TRIM27: variants seen among roughly 807,000 people sequenced by gnomAD.
The protein encoded by TRIM27 is zinc finger protein RFP.
Under a neutral mutation model 57.6 loss-of-function variants are expected in TRIM27, and 12 were observed. The observed-to-expected ratio is 0.21, with a 90% CI of 0.13 to 0.34. The LOEUF is 0.34. TRIM27 is among the 10% of genes least tolerant of loss of function. TRIM27 has a pLI of 1.00. For missense variants in TRIM27, 403 were observed against 656.8 expected, an observed-to-expected ratio of 0.61 and a Z score of 4.22; for synonymous variants, 266 against 259.0, an observed-to-expected ratio of 1.03 and a Z score of -0.26.
At chr6:28,922,841 C>A (rs1197048713) in intron 1 of TRIM27, among the ~76,000 whole-genome samples, 1 of 152,206 alleles carries the variant, frequency 6.6e-6, no homozygotes, top group Non-Finnish European at 1.5e-5. Context: ...AGTCAGTTAA[C>A]GTCCAACTGC....
At chr6:28,910,989 G>A (rs980681409) in intron 4 of TRIM27, among the ~76,000 whole-genome samples, 1 of 152,088 alleles carries the variant, frequency 6.6e-6, no homozygotes, top group Non-Finnish European at 1.5e-5. Context: ...TTTTGCTTTA[G>A]AAGGTTTTCA....
At position 28,907,405 on chromosome 6, in the gene TRIM27, T is replaced by C. The variant is rs775766515; in HGVS notation, c.920-143A>G. On this transcript the variant is annotated intron_variant, in intron 6 of 7. Coordinates refer to ENST00000377199, the MANE Select transcript of TRIM27 (RefSeq NM_006510.5). ...TCTGTTGTTAGTCATGCACTAATTT[T>C]TTCATATGATGTATGGCTCTATCAT... 22 of 782,910 alleles carry C rather than the reference T, an allele frequency of 2.8e-5. No individual in the cohort carries two copies. The Admixed American group carries it at 3.7e-4, about 13-fold the overall frequency. The allele number at this position is 782,910 out of a possible 1,614,324, so 48.5% of individuals were successfully genotyped here.
chr6:28,921,605 T>C (rs1316375519), intron 2 of TRIM27, among the ~76,000 whole-genome samples: 1 of 152,168 alleles, frequency 6.6e-6, no homozygotes, highest in Non-Finnish European at 1.5e-5. Context: ...TCCAATAATT[T>C]TACCTATCTC....
In TRIM27 at chr6:28,920,030, G is replaced by A. The variant is rs1428560001; in HGVS notation, c.729C>T (p.Pro243=). 1 of 1,613,212 alleles carries A rather than the reference G, an allele frequency of 6.2e-7. No individual in the cohort carries two copies. The highest frequency in any genetic ancestry group is 2.2e-5 in the East Asian group (1 of 44,884). The change falls in exon 3 of 8, where the codon CCC becomes CCT. Residue 243 remains proline, a synonymous_variant. Transcript: ENST00000377199. ...GCCTTACCTGCAGGAGCTCCCTGGT[G>A]GGCTGCTGCTGCTTCTCTTCTAGCT... ...IAQLEEKQQQ[P]TRELLQDIGD... is the part of the protein sequence containing the mutation.
In TRIM27 at chr6:28,904,735, C is replaced by G; in HGVS notation, c.947-70G>C. On this transcript the variant is annotated intron_variant, in intron 7 of 7. Transcript: ENST00000377199. This position sits in a 1 kb window ranked among gnomAD's most constrained non-coding sequence, Gnocchi z 6.1. The stretch of plus-strand genomic sequence containing the variant: ...CTATTTTAGAACACCCAGCGCCTTT[C>G]TACTACCTCCCCAATAATAAGAGGT... 9.0e-7 allele frequency: 1 copy of G among 1,113,696 alleles called. No homozygotes were observed. Among genetic ancestry groups the G allele is most frequent in the Non-Finnish European group, 1.3e-6 (1 of 794,004 alleles). The allele number at this position is 1,113,696 out of a possible 1,614,324, so 69.0% of individuals were successfully genotyped here.
chr6:28,911,303 G>T lies in TRIM27; in HGVS notation c.770+393C>A, dbSNP rs1773190138. 3 of 169,482 alleles carry T rather than the reference G, an allele frequency of 1.8e-5. No homozygotes were observed. In the East Asian group the frequency reaches 4.7e-4, roughly 26 times the overall value. 10.5% of individuals were successfully genotyped at this position (169,482 alleles called of 1,614,324 possible). A position where few individuals can be genotyped will look rare whatever the true frequency, so the allele number is the denominator to read the frequency against. ...TCAGTAATTATGTAAATGCAGGCCA[G>T]TCACACCTTTCTTAGGCTTTATTTC... is the stretch of plus-strand genomic sequence containing the variant. On this transcript the variant is annotated intron_variant, in intron 4 of 7. Transcript: ENST00000377199.
chr6:28,903,933 G>A lies in TRIM27; in HGVS notation c.*137C>T. 2 of 673,068 alleles carry A rather than the reference G, an allele frequency of 3.0e-6. No homozygotes were observed. The highest frequency in any genetic ancestry group is 1.8e-5 in the African/African-American group (1 of 55,432). 41.7% of individuals were successfully genotyped at this position (673,068 alleles called of 1,614,324 possible). A position where few individuals can be genotyped will look rare whatever the true frequency, so the allele number is the denominator to read the frequency against. ...AAGGAAAAGGATGGTAGAGAACATG[G>A]ACATCCTGTCTCCCACTGCAAGGGC... On this transcript the variant is annotated 3_prime_UTR_variant, in exon 8 of 8. Transcript: ENST00000377199.
At position 28,903,838 on chromosome 6, in the gene TRIM27, G is replaced by A. The variant is rs1772568585; in HGVS notation, c.*232C>T. On this transcript the variant is annotated 3_prime_UTR_variant, in exon 8 of 8. Transcript: ENST00000377199. ...TAAAACCAGAAAGTATGAAACACTG[G>A]AGGTGGACATCTGGTTTTTATTTCT... 1 of 565,948 alleles carries A rather than the reference G, an allele frequency of 1.8e-6. No individual in the cohort carries two copies. The allele number at this position is 565,948 out of a possible 1,614,324, so 35.1% of individuals were successfully genotyped here. A position where few individuals can be genotyped will look rare whatever the true frequency, so the allele number is the denominator to read the frequency against.
intron 7 of TRIM27, chr6:28,906,150 C>G (rs977659907): frequency 1.3e-5 from 2 of 152,160 alleles, no homozygotes; most frequent in Non-Finnish European, 2.9e-5. Context: ...CTGCAGCAAG[C>G]TATCACCATG....
rs1463918858 is a variant in TRIM27 at position 28,903,995 on chromosome 6, G to A, written c.*75C>T. 4.9e-6 allele frequency: 6 copies of A among 1,231,786 alleles called. No individual in the cohort carries two copies. Among genetic ancestry groups the A allele is most frequent in the South Asian group, 2.7e-5 (2 of 74,732 alleles). 76.3% of individuals were successfully genotyped at this position (1,231,786 alleles called of 1,614,324 possible). ...TAAGGATACCCAGCTGTGACAGGAC[G>A]TGGCAAGGCAACAAGATGCCTTGTG... On this transcript the variant is annotated 3_prime_UTR_variant, in exon 8 of 8. Coordinates refer to ENST00000377199, the MANE Select transcript of TRIM27 (RefSeq NM_006510.5).
intron 2 of TRIM27, among the ~76,000 whole-genome samples, 188 bp downstream of exon 2, chr6:28,921,704 T>A (rs1479046617): frequency 6.6e-6 from 1 of 152,146 alleles, no homozygotes; most frequent in African/African-American, 2.4e-5. Context: ...AAACTTGGCT[T>A]CTCCATGCTT....
chr6:28,904,511 G>A lies in TRIM27; in HGVS notation c.1101C>T (p.Ile367=), dbSNP rs754137938. Residue 367 remains isoleucine, a synonymous_variant, in exon 8 of 8, where the codon ATC becomes ATT. Coordinates refer to ENST00000377199, the MANE Select transcript of TRIM27 (RefSeq NM_006510.5). This position sits in a 1 kb window ranked among gnomAD's most constrained non-coding sequence, Gnocchi z 6.1. Reference sequence around the variant, plus strand: ...CTACCTCCCAATAATGTCTCCCGGCGATGAAGCATGGAGAGCCCAAGACAC... The same window carrying A: ...CTACCTCCCAATAATGTCTCCCGGCAATGAAGCATGGAGAGCCCAAGACAC... ...FPCVLGSPCF[I]AGRHYWEVEV... 4 of 1,612,750 alleles carry A rather than the reference G, an allele frequency of 2.5e-6. No homozygotes were observed. The highest frequency in any genetic ancestry group is 3.4e-6 in the Non-Finnish European group (4 of 1,180,010).
rs1375977087 is a variant in TRIM27, at chr6:28,908,855, CAAG to C, written c.887-18_887-16del. On this transcript the variant is annotated splice_polypyrimidine_tract_variant and intron_variant, in intron 5 of 7. Coordinates refer to ENST00000377199, the MANE Select transcript of TRIM27 (RefSeq NM_006510.5). Reference sequence around the variant, plus strand: ...CTGCATTTTTTCTAAGAAAAGAAAACAAGAAAATATTCAGTCTGCATCCCACTA... The same window carrying C: ...CTGCATTTTTTCTAAGAAAAGAAAACAAAATATTCAGTCTGCATCCCACTA... 1 of 1,613,190 alleles carries C rather than the reference CAAG, an allele frequency of 6.2e-7. No individual in the cohort carries two copies. Among genetic ancestry groups the C allele is most frequent in the Non-Finnish European group, 8.5e-7 (1 of 1,179,552 alleles).
intron 3 of TRIM27, among the ~76,000 whole-genome samples, chr6:28,919,058 G>C (rs1200807323): frequency 6.6e-6 from 1 of 151,468 alleles, no homozygotes; most frequent in African/African-American, 2.4e-5. Context: ...CTGTTGCCCA[G>C]GCTGGAGTAC....
intron 2 of TRIM27, among the ~76,000 whole-genome samples, chr6:28,920,839 A>G (rs1773969470): frequency 6.6e-6 from 1 of 152,152 alleles, no homozygotes; most frequent in African/African-American, 2.4e-5. Context: ...TATGTGCCCT[A>G]TGGAGGATGG....
intron 7 of TRIM27, chr6:28,905,314 G>A (rs968859659): frequency 6.6e-6 from 1 of 152,206 alleles, no homozygotes; most frequent in African/African-American, 2.4e-5. Context: ...TTTTAGACAG[G>A]CAGCATTCTA....
chr6:28,913,811 G>A (rs1256033117), intron 3 of TRIM27, among the ~76,000 whole-genome samples: 2 of 151,740 alleles, frequency 1.3e-5, no homozygotes, highest in African/African-American at 2.4e-5. Flanking sequence ...ATACTTAAAA[G>A]GTCTTTTTAT....
At chr6:28,914,132 C>T (rs1349150749) in intron 3 of TRIM27, among the ~76,000 whole-genome samples, 1 of 148,454 alleles carries the variant, frequency 6.7e-6, no homozygotes, top group African/African-American at 2.5e-5. Context: ...AGTGATCTAT[C>T]CCAGCTTTTT....
chr6:28,911,665 G>C, intron 4 of TRIM27, 31 bp downstream of exon 4: 1 of 1,605,686 alleles, frequency 6.2e-7, no homozygotes, highest in African/African-American at 1.3e-5. Flanking sequence ...TCTCATATTT[G>C]ATTTAACACT....
Sources: allele counts gnomAD v4.1 joint callset (sites outside exome capture counted in the v4.1 genomes callset), GRCh38; gene constraint gnomAD v4.1.1; non-coding constraint Gnocchi (gnomAD v3.1); transcripts MANE v1.5; gene names NCBI Gene and HGNC (gene_info 2026-07-23, HGNC 2026-07-21).